Variants in NINL observed in about 807,000 individuals in gnomAD.
The protein encoded by NINL is ninein-like protein.
In NINL, 153 loss-of-function variants were observed where a neutral mutation model predicts 160.3. The observed-to-expected ratio is 0.95, with a 90% CI of 0.84 to 1.09. NINL has a LOEUF of 1.09. Ranked by LOEUF, NINL falls within the 50% of genes least tolerant of loss-of-function variation. The pLI, the probability that NINL is intolerant of heterozygous loss-of-function variation, is 0.00. For missense variants in NINL, 1,829 were observed against 1,764.0 expected (o/e 1.04, Z -0.66); for synonymous variants, 800 against 734.8 (o/e 1.09, Z -1.43).
At chr20:25,575,673 C>T (rs1427099030) in intron 1 of NINL, among the ~76,000 whole-genome samples, 1 of 151,722 alleles carries the variant, frequency 6.6e-6, no homozygotes, top group Non-Finnish European at 1.5e-5. Flanking sequence ...ATTGTTGGAA[C>T]CCAGGAGGCA....
At chr20:25,581,990 G>A (rs2065179793) in intron 1 of NINL, among the ~76,000 whole-genome samples, 2 of 152,214 alleles carry the variant, frequency 1.3e-5, no homozygotes, top group South Asian at 4.1e-4. Context: ...AGGCGTGGTG[G>A]CTCACGCCTG....
intron 12 of NINL, 39 bp from the exon 13 acceptor site, chr20:25,489,363 G>A (rs1022918530): frequency 3.2e-6 from 5 of 1,571,108 alleles, no homozygotes; most frequent in African/African-American, 2.7e-5. Context: ...GGTGGGCCTC[G>A]GGCCAGAGGG....
chr20:25,479,060 C>T lies in NINL; in HGVS notation c.2064G>A (p.Glu688=). Residue 688 remains glutamate (E), a synonymous_variant, in exon 16 of 24, where the codon GAG becomes GAA. Transcript: ENST00000278886. The part of the protein sequence containing the change: ...DLEELHEKSQ[E]VIWGLQEQLQ... ...GCTGCTCCTGCAGGCCCCAGATGAC[C>T]TCCTGAGACTTCTCGTGGAGCTCCT... 6.2e-7 allele frequency: 1 copy of T among 1,612,550 alleles called. No homozygotes were observed. Among genetic ancestry groups the T allele is most frequent in the Non-Finnish European group, 8.5e-7 (1 of 1,180,026 alleles).
intron 13 of NINL, chr20:25,488,956 C>T: frequency 2.3e-6 from 1 of 435,160 alleles, no homozygotes; most frequent in Non-Finnish European, 4.2e-6. Context: ...ATGTCTCCAA[C>T]TGACAGACGG....
At position 25,520,117 on chromosome 20, in the gene NINL, T is replaced by C. The variant is rs200901970; in HGVS notation, c.181-2268A>G. Among the ~76,000 whole-genome samples the C allele has an allele frequency of 9.3e-5, 14 of 150,654 alleles. No homozygotes were observed. In the East Asian group the frequency reaches 2.4e-3, roughly 25 times the overall value. ...TTGGTGTCCAGGCAGTGGTTGACCT[T>C]TGGTAGTAGAGGAACCAAAAAGAGA... On this transcript the variant is annotated intron_variant, in intron 2 of 23. Transcript: ENST00000278886.
At chr20:25,495,937 A>T (rs1252987499) in intron 10 of NINL, among the ~76,000 whole-genome samples, 1 of 152,196 alleles carries the variant, frequency 6.6e-6, no homozygotes, top group African/African-American at 2.4e-5. Flanking sequence ...ACTTGAAGTC[A>T]GGAGTTGGTC....
intron 18 of NINL, among the ~76,000 whole-genome samples, 180 bp from the exon 19 acceptor site, chr20:25,467,638 G>A (rs1490587713): frequency 1.3e-5 from 2 of 152,158 alleles, no homozygotes; most frequent in African/African-American, 4.8e-5. Context: ...TAATGAAGAC[G>A]ACGATCCCGT....
At chr20:25,473,555 T>G (rs1282067615) in intron 17 of NINL, among the ~76,000 whole-genome samples, 4 of 148,396 alleles carry the variant, frequency 2.7e-5, no homozygotes, top group Non-Finnish European at 6.0e-5. Context: ...GCCTGGTGGC[T>G]CAGGCCTTAT....
Position 25,530,849 on chromosome 20 carries a change from G to A in NINL, c.-11-4251C>T, listed in dbSNP as rs752716852. Among the ~76,000 whole-genome samples, 29 of 152,178 alleles carry A rather than the reference G, an allele frequency of 1.9e-4. 1 individual carries two copies. Among genetic ancestry groups the A allele is most frequent in the Non-Finnish European group, 2.4e-4 (16 of 68,038 alleles). On this transcript the variant is annotated intron_variant, in intron 1 of 23. Coordinates refer to ENST00000278886, the MANE Select transcript of NINL (RefSeq NM_025176.6). ...GATCACAGGACCACAGGACTGGGAC[G>A]AAATTAAAATTGCTAATGAAGTTTC... is the stretch of plus-strand genomic sequence containing the variant.
chr20:25,538,989 T>C (rs113609616), intron 1 of NINL, among the ~76,000 whole-genome samples: 27 of 152,228 alleles, frequency 1.8e-4, no homozygotes, highest in African/African-American at 5.5e-4. Context: ...ACCTGCAGTG[T>C]TTGATCAAAT....
At chr20:25,539,557 A>G (rs1252238988) in intron 1 of NINL, among the ~76,000 whole-genome samples, 1 of 152,216 alleles carries the variant, frequency 6.6e-6, no homozygotes, top group African/African-American at 2.4e-5. Flanking sequence ...ACTGCCACCA[A>G]GGACACCAGA....
chr20:25,460,724 A>AGGACGTCTAGGGGGAG (rs1231617563), intron 21 of NINL, among the ~76,000 whole-genome samples: 3 of 152,142 alleles, frequency 2.0e-5, no homozygotes, highest in Admixed American at 6.5e-5. Context: ...TCTGTGCCTC[A>AGGACGTCTAGGGGGAG]GGACGTCTAG....
intron 1 of NINL, among the ~76,000 whole-genome samples, chr20:25,562,069 C>A (rs1178699833): frequency 3.6e-5 from 4 of 109,676 alleles, no homozygotes; most frequent in African/African-American, 1.5e-4. Flanking sequence ...GTCCGGGAGG[C>A]AGGTGGGGGG....
intron 1 of NINL, among the ~76,000 whole-genome samples, chr20:25,535,242 A>G (rs2064535749): frequency 6.6e-6 from 1 of 152,210 alleles, no homozygotes; most frequent in South Asian, 2.1e-4. Flanking sequence ...ACGAGTGAAC[A>G]GAAGTGGCCA....
At position 25,476,282 on chromosome 20, in the gene NINL, G is replaced by A. The variant is rs549487260; in HGVS notation, c.3009C>T (p.Gly1003=). 18 of 1,613,442 alleles carry A rather than the reference G, an allele frequency of 1.1e-5. No individual in the cohort carries two copies. Among genetic ancestry groups the A allele is most frequent in the Middle Eastern group, 3.3e-4 (2 of 6,052 alleles). The change falls in exon 17 of 24, where the codon GGC becomes GGT. Residue 1003 remains glycine, a synonymous_variant. Coordinates refer to ENST00000278886, the MANE Select transcript of NINL (RefSeq NM_025176.6). ...QASEQQARAE[G]ALEPGCHKHS... is the part of the protein sequence containing the mutation. ...GCTTGTGACACCCAGGCTCCAGGGC[G>A]CCCTCGGCCCGGGCCTGCTGCTCCG...
At chr20:25,465,322 A>G (rs1027957421) in intron 19 of NINL, among the ~76,000 whole-genome samples, 2 of 152,154 alleles carry the variant, frequency 1.3e-5, no homozygotes, top group African/African-American at 4.8e-5. Context: ...GTGTTGTCCA[A>G]AGAAGCCTCC....
At chr20:25,456,419 G>A (rs1418960399) in intron 22 of NINL, among the ~76,000 whole-genome samples, 1 of 151,470 alleles carries the variant, frequency 6.6e-6, no homozygotes, top group South Asian at 2.1e-4. Context: ...ATGGTAGCGG[G>A]CGCCTGTAGT....
intron 8 of NINL, among the ~76,000 whole-genome samples, chr20:25,500,034 T>C (rs1039560183): frequency 1.0e-4 from 15 of 146,824 alleles, no homozygotes; most frequent in South Asian, 8.9e-4. Flanking sequence ...GTACACCCAC[T>C]ACACCAACAG....
At chr20:25,503,240 GC>G (rs1222017608) in intron 7 of NINL, among the ~76,000 whole-genome samples, 1 of 142,870 alleles carries the variant, frequency 7.0e-6, no homozygotes, top group African/African-American at 2.6e-5. Flanking sequence ...CCTCACCTGA[GC>G]ACTGCCTCCT....
Sources: gnomAD v4.1 joint callset for allele counts (sites outside exome capture counted in the v4.1 genomes callset) on GRCh38, gnomAD v4.1.1 for gene constraint, MANE v1.5 for transcripts, NCBI Gene and HGNC (gene_info 2026-07-23, HGNC 2026-07-21) for gene names.